The following PID1 variants were observed in gnomAD, a reference collection of about 807,000 sequenced individuals.
PID1 encodes the protein PTB-containing, cubilin and LRP1-interacting protein.
In PID1, 10 loss-of-function variants were observed where a neutral mutation model predicts 19.1. That is an observed-to-expected ratio of 0.52 (90% CI 0.32 to 0.89). The LOEUF is 0.89. Among genes scored for constraint, PID1 ranks in the 40% least tolerant of loss-of-function variants. The pLI is 0.03. For synonymous variants in PID1, 130 were observed against 116.0 expected (o/e 1.12, Z -0.78); for missense variants, 248 against 285.3 (o/e 0.87, Z 0.94).
chr2:229,109,054 C>T (rs1230965136), intron 2 of PID1, among the ~76,000 whole-genome samples: 1 of 152,108 alleles, frequency 6.6e-6, no homozygotes, highest in Non-Finnish European at 1.5e-5. Context: ...GCAATCAAAG[C>T]TCTAGAAATG....
chr2:229,139,067 GAAAGAAAGAA>G (rs1420519002), intron 2 of PID1, among the ~76,000 whole-genome samples: 1 of 53,082 alleles, frequency 1.9e-5, no homozygotes, highest in African/African-American at 9.3e-5. Flanking sequence ...GAGAAAGAAA[GAAAGAAAGAA>G]AGAAAGAAAG....
chr2:229,188,967 G>T (rs922009208), intron 1 of PID1, among the ~76,000 whole-genome samples: 2 of 151,986 alleles, frequency 1.3e-5, no homozygotes, highest in African/African-American at 4.8e-5. Flanking sequence ...ACTGGTAACG[G>T]CTCCTTAAGT....
intron 1 of PID1, among the ~76,000 whole-genome samples, chr2:229,252,230 A>G (rs918552319): frequency 6.6e-6 from 1 of 152,246 alleles, no homozygotes; most frequent in African/African-American, 2.4e-5. Context: ...AATTATAGGG[A>G]AAGGAGGAAG....
rs190622779 is a variant in PID1, at chr2:229,024,307, A to C, written c.*1325T>G. 21 of 152,540 alleles carry C rather than the reference A, an allele frequency of 1.4e-4. No individual in the cohort carries two copies. The East Asian group carries it at 3.9e-3, about 28-fold the overall frequency. The allele number at this position is 152,540 out of a possible 1,614,324, so 9.4% of individuals were successfully genotyped here. A position where few individuals can be genotyped will look rare whatever the true frequency, so the allele number is the denominator to read the frequency against. ...CCAGGATTGAAAACAGACTTTTAGG[A>C]AGGAGCAGCATTACTTCGAAAAGTA... is the stretch of plus-strand genomic sequence containing the variant. On this transcript the variant is annotated 3_prime_UTR_variant, in exon 3 of 3. Transcript: ENST00000392055.
At chr2:229,179,395 C>A (rs1172154556) in intron 1 of PID1, among the ~76,000 whole-genome samples, 3 of 152,066 alleles carry the variant, frequency 2.0e-5, no homozygotes, top group Admixed American at 2.0e-4. Context: ...TAATCTTATA[C>A]CACATTAGGA....
chr2:229,266,669 T>C (rs1384213620), intron 1 of PID1, among the ~76,000 whole-genome samples: 1 of 152,246 alleles, frequency 6.6e-6, no homozygotes, highest in Non-Finnish European at 1.5e-5. Flanking sequence ...TCCAGCTCAG[T>C]TCATTTCTAG....
At chr2:229,247,954 C>T (rs1023498924) in intron 1 of PID1, among the ~76,000 whole-genome samples, 1 of 152,108 alleles carries the variant, frequency 6.6e-6, no homozygotes, top group Non-Finnish European at 1.5e-5. Context: ...TCTCTTACTA[C>T]TCCTCTTCCT....
At chr2:229,167,654 A>G (rs1215065580) in intron 1 of PID1, among the ~76,000 whole-genome samples, 1 of 152,216 alleles carries the variant, frequency 6.6e-6, no homozygotes, top group East Asian at 1.9e-4. Flanking sequence ...TACCTCATAA[A>G]AAAGCATTGG....
intron 2 of PID1, among the ~76,000 whole-genome samples, chr2:229,108,260 T>C (rs1695218127): frequency 6.6e-6 from 1 of 152,222 alleles, no homozygotes; most frequent in South Asian, 2.1e-4. Flanking sequence ...GTGGCTTTAA[T>C]GTATTTTTTA....
In PID1 at chr2:229,255,396, T is replaced by C. The variant is rs117616380; in HGVS notation, c.30+15618A>G. Among the ~76,000 whole-genome samples the C allele has an allele frequency of 2.0e-5, 3 of 152,310 alleles. No individual in the cohort carries two copies. The East Asian group carries it at 5.8e-4, about 29-fold the overall frequency. On this transcript the variant is annotated intron_variant, in intron 1 of 2. Coordinates refer to ENST00000392055, the MANE Select transcript of PID1 (RefSeq NM_001100818.2). Reference sequence around the variant, plus strand: ...GTAAGTTTGCTCCCAAGATGACCAGTAAAATGTCTGCAAAGTGCTTTTGAG... The same window carrying C: ...GTAAGTTTGCTCCCAAGATGACCAGCAAAATGTCTGCAAAGTGCTTTTGAG...
At chr2:229,146,525 T>C (rs553322604) in intron 2 of PID1, among the ~76,000 whole-genome samples, 3 of 148,622 alleles carry the variant, frequency 2.0e-5, no homozygotes, top group Non-Finnish European at 4.5e-5. Flanking sequence ...TGTGAACATT[T>C]TGTGTGTGTG....
chr2:229,178,795 G>A (rs1254988449), intron 1 of PID1, among the ~76,000 whole-genome samples: 1 of 152,070 alleles, frequency 6.6e-6, no homozygotes, highest in Non-Finnish European at 1.5e-5. Context: ...TTTCAGAGGC[G>A]GAAAGTGTCT....
In PID1 at chr2:229,151,593, C is replaced by T. The variant is rs552531371; in HGVS notation, c.177+4225G>A. Among the ~76,000 whole-genome samples the T allele has an allele frequency of 4.4e-3, 650 of 146,248 alleles. 5 individuals carry two copies. Among genetic ancestry groups the T allele is most frequent in the African/African-American group, 0.015 (614 of 39,692 alleles). On this transcript the variant is annotated intron_variant, in intron 2 of 2. Transcript: ENST00000392055. Reference sequence around the variant, plus strand: ...TTTCTTTTTTTTTTTTTTTCTGAGACGGAGTCTCGCTCTGTCACCCAGGCT... The same window carrying T: ...TTTCTTTTTTTTTTTTTTTCTGAGATGGAGTCTCGCTCTGTCACCCAGGCT...
At chr2:229,204,147 C>G (rs1000704255) in intron 1 of PID1, among the ~76,000 whole-genome samples, 2 of 152,064 alleles carry the variant, frequency 1.3e-5, no homozygotes, top group African/African-American at 2.4e-5. Context: ...AGCTAATGAA[C>G]TTTAAAATGG....
chr2:229,043,503 C>T (rs545026444), intron 2 of PID1, among the ~76,000 whole-genome samples: 3 of 152,120 alleles, frequency 2.0e-5, no homozygotes, highest in Non-Finnish European at 4.4e-5. Context: ...GAATAAAGAG[C>T]GAAGCGGACT....
chr2:229,039,598 C>T (rs1033112771), intron 2 of PID1, among the ~76,000 whole-genome samples: 3 of 152,056 alleles, frequency 2.0e-5, no homozygotes, highest in Admixed American at 6.6e-5. Context: ...TGGTAGAAAA[C>T]TGAATGAAAT....
At position 229,208,863 on chromosome 2, in the gene PID1, G is replaced by A. The variant is rs375134762; in HGVS notation, c.31-52899C>T. On this transcript the variant is annotated intron_variant, in intron 1 of 2. Transcript: ENST00000392055. Reference sequence around the variant, plus strand: ...TATCAGTGCTCTGGTTTCCAATCCTGGAGTCTCACAGTTAATGAAAATTAG... The same window carrying A: ...TATCAGTGCTCTGGTTTCCAATCCTAGAGTCTCACAGTTAATGAAAATTAG... Among the ~76,000 whole-genome samples the A allele has an allele frequency of 5.3e-5, 8 of 152,130 alleles. No individual in the cohort carries two copies. In the East Asian group the frequency reaches 9.6e-4, roughly 18 times the overall value.
intron 2 of PID1, among the ~76,000 whole-genome samples, chr2:229,033,392 C>G (rs1051483992): frequency 6.6e-6 from 1 of 152,154 alleles, no homozygotes; most frequent in African/African-American, 2.4e-5. Flanking sequence ...AGAGGTCTCT[C>G]TTGAGATATA....
intron 2 of PID1, among the ~76,000 whole-genome samples, chr2:229,108,338 A>G (rs1448062709): frequency 6.6e-6 from 1 of 152,200 alleles, no homozygotes; most frequent in Non-Finnish European, 1.5e-5. Flanking sequence ...ATCACTACGC[A>G]CCCTGTAACT....
Sources: allele counts gnomAD v4.1 joint callset (sites outside exome capture counted in the v4.1 genomes callset), GRCh38; gene constraint gnomAD v4.1.1; transcripts MANE v1.5; gene names NCBI Gene and HGNC (gene_info 2026-07-23, HGNC 2026-07-21).